The following ZNF638 variants were observed in gnomAD, a reference collection of about 807,000 sequenced individuals.
ZNF638 encodes the protein zinc finger protein 638, also known as CTCL tumor antigen se33-1.
Under a neutral mutation model 195.6 loss-of-function variants are expected in ZNF638, and 46 were observed. That is an observed-to-expected ratio of 0.24 (90% CI 0.19 to 0.30). The LOEUF (loss-of-function observed/expected upper bound fraction) is 0.30, where lower values mean the gene tolerates loss of function less well. ZNF638 is among the 10% of genes least tolerant of loss of function. ZNF638 has a pLI of 1.00. For synonymous variants in ZNF638, 845 were observed against 772.0 expected, an observed-to-expected ratio of 1.09 and a Z score of -1.57; for missense variants, 2,440 against 2,325.3, an observed-to-expected ratio of 1.05 and a Z score of -1.01.
intron 4 of ZNF638, 94 bp from the exon 5 acceptor site, chr2:71,363,857 TAAC>T: frequency 6.4e-6 from 9 of 1,405,368 alleles, no homozygotes; most frequent in Non-Finnish European, 8.5e-6. Flanking sequence ...TTGGTATTGT[TAAC>T]AGTCTGTTTT....
At chr2:71,419,851 ATTGT>A (rs979181358) in intron 21 of ZNF638, among the ~76,000 whole-genome samples, 1 of 151,206 alleles carries the variant, frequency 6.6e-6, no homozygotes, top group Non-Finnish European at 1.5e-5. Context: ...TTCTCCTCTC[ATTGT>A]TTAGACATAG....
rs202241225 is a variant in ZNF638, at chr2:71,392,461, CTGTT to C, written c.2378-3671_2378-3668del. 9.9e-3 allele frequency among the ~76,000 whole-genome samples: 1,514 copies of C among 152,306 alleles called. 12 individuals carry two copies. Among genetic ancestry groups the C allele is most frequent in the Middle Eastern group, 0.027 (8 of 294 alleles). ...CAGCCCATTAACATTGTTAGTGACT[CTGTT>C]TGTTTGTTGCAAAACCTTGAGACCG... On this transcript the variant is annotated intron_variant, in intron 10 of 27. Transcript: ENST00000264447.
rs202045042 is a variant in ZNF638 at position 71,350,205 on chromosome 2, T to C, written c.1251T>C (p.Tyr417=). 6.2e-7 allele frequency: 1 copy of C among 1,609,008 alleles called. No homozygotes were observed. The highest frequency in any genetic ancestry group is 1.3e-5 in the African/African-American group (1 of 75,064). The change falls in exon 2 of 28, where the codon TAT becomes TAC. Residue 417 remains tyrosine (Y), a synonymous_variant. Transcript: ENST00000264447. ...LPTPSMMNDY[Y]AASPRIFPHL... Reference sequence around the variant, plus strand: ...CTCCTTCTATGATGAATGATTATTATGCAGCATCTCCAAGAATATTTCCAC... The same window carrying C: ...CTCCTTCTATGATGAATGATTATTACGCAGCATCTCCAAGAATATTTCCAC...
chr2:71,426,028 C>G (rs950210983), intron 23 of ZNF638, among the ~76,000 whole-genome samples: 2 of 152,072 alleles, frequency 1.3e-5, no homozygotes, highest in Admixed American at 6.5e-5. Flanking sequence ...AATGGAACAG[C>G]CTAATTAGCT....
chr2:71,424,561 G>GT (rs150899421), intron 22 of ZNF638, 89 bp from the exon 23 acceptor site: 94,888 of 1,013,006 alleles, frequency 0.094, 3,822 homozygotes, highest in African/African-American at 0.17. Context: ...AATGTTTACT[G>GT]TTTTTTTTTG....
At chr2:71,340,594 T>C (rs761984913) in intron 1 of ZNF638, among the ~76,000 whole-genome samples, 4 of 152,238 alleles carry the variant, frequency 2.6e-5, no homozygotes, top group Non-Finnish European at 5.9e-5. Context: ...GGTGTATGTC[T>C]AGAAAAATAA....
chr2:71,350,871 T>C (rs548315282), intron 2 of ZNF638, among the ~76,000 whole-genome samples: 91 of 152,328 alleles, frequency 6.0e-4, no homozygotes, highest in African/African-American at 2.1e-3. Context: ...CAGAAAATAG[T>C]GTAAAATGAT....
At chr2:71,365,941 A>T (rs1322229662) in intron 6 of ZNF638, among the ~76,000 whole-genome samples, 1 of 152,196 alleles carries the variant, frequency 6.6e-6, no homozygotes, top group Admixed American at 6.5e-5. Context: ...CTGGTCTCGA[A>T]CTACTAGGTT....
intron 21 of ZNF638, among the ~76,000 whole-genome samples, chr2:71,419,919 A>G (rs1267587510): frequency 1.3e-5 from 2 of 148,974 alleles, no homozygotes; most frequent in Non-Finnish European, 1.5e-5. Flanking sequence ...TCAACCTCAT[A>G]AAACTAATTT....
intron 10 of ZNF638, among the ~76,000 whole-genome samples, chr2:71,391,209 G>A (rs1425103997): frequency 1.3e-5 from 2 of 152,132 alleles, no homozygotes; most frequent in African/African-American, 4.8e-5. Context: ...CAACCTATGG[G>A]GCCCCTTCAA....
At chr2:71,384,165 A>G (rs200396943) in intron 10 of ZNF638, among the ~76,000 whole-genome samples, 2 of 152,014 alleles carry the variant, frequency 1.3e-5, no homozygotes, top group East Asian at 3.9e-4. Flanking sequence ...TCAGCTCTCA[A>G]ATTCTTTATA....
Position 71,426,449 on chromosome 2 carries a change from C to A in ZNF638, c.4591-11C>A. 6.5e-7 allele frequency: 1 copy of A among 1,542,264 alleles called. No individual in the cohort carries two copies. Among genetic ancestry groups the A allele is most frequent in the Non-Finnish European group, 8.7e-7 (1 of 1,149,634 alleles). On this transcript the variant is annotated splice_polypyrimidine_tract_variant and intron_variant, in intron 23 of 27. Coordinates refer to ENST00000264447, the MANE Select transcript of ZNF638 (RefSeq NM_014497.5). ...TTGTTTACAATACTATGATTTTTAACTTTCCAACAGGAGCCATTATTTCCA... is the reference window on the plus strand; with the variant it reads ...TTGTTTACAATACTATGATTTTTAAATTTCCAACAGGAGCCATTATTTCCA...
chr2:71,344,661 C>G (rs187710251), intron 1 of ZNF638, among the ~76,000 whole-genome samples: 6 of 152,164 alleles, frequency 3.9e-5, no homozygotes, highest in Admixed American at 3.3e-4. Context: ...TGGCCTGATA[C>G]TTAATCTTGT....
intron 20 of ZNF638, among the ~76,000 whole-genome samples, chr2:71,410,992 C>CCCCCTT (rs1553484599): frequency 1.2e-4 from 3 of 24,508 alleles, no homozygotes; most frequent in Non-Finnish European, 1.5e-4. Context: ...CTCCCCCCCC[C>CCCCCTT]TTTTTTTTTT....
chr2:71,419,948 ACTT>A (rs1462805958), intron 21 of ZNF638, among the ~76,000 whole-genome samples: 2 of 115,204 alleles, frequency 1.7e-5, no homozygotes, highest in Non-Finnish European at 3.5e-5. Flanking sequence ...AGCACCAAAA[ACTT>A]CTTAATTCCC....
At chr2:71,377,390 T>C (rs1385200361) in intron 8 of ZNF638, among the ~76,000 whole-genome samples, 1 of 152,188 alleles carries the variant, frequency 6.6e-6, no homozygotes, top group Non-Finnish European at 1.5e-5. Flanking sequence ...TTCAGCAAGA[T>C]TCATGGGGAC....
In ZNF638 at chr2:71,338,689, G is replaced by A. The variant is rs376550774; in HGVS notation, c.-203+6814G>A. Among the ~76,000 whole-genome samples, 31 of 152,218 alleles carry A rather than the reference G, an allele frequency of 2.0e-4. 1 individual carries two copies. Among genetic ancestry groups the A allele is most frequent in the African/African-American group, 7.5e-4 (31 of 41,542 alleles). Reference sequence around the variant, plus strand: ...TTTCCTGGGGGGCTGTAACACTCGGGGTGTGGCCTCCTGTGAGGTACATAA... The same window carrying A: ...TTTCCTGGGGGGCTGTAACACTCGGAGTGTGGCCTCCTGTGAGGTACATAA... On this transcript the variant is annotated intron_variant, in intron 1 of 27. Coordinates refer to ENST00000264447, the MANE Select transcript of ZNF638 (RefSeq NM_014497.5).
At chr2:71,346,140 T>C (rs989782435) in intron 1 of ZNF638, among the ~76,000 whole-genome samples, 2 of 152,198 alleles carry the variant, frequency 1.3e-5, no homozygotes, top group Non-Finnish European at 2.9e-5. Flanking sequence ...TCTTTTGCTG[T>C]TTTATTTTGG....
At chr2:71,339,239 C>T (rs535496100) in intron 1 of ZNF638, among the ~76,000 whole-genome samples, 46 of 151,920 alleles carry the variant, frequency 3.0e-4, no homozygotes, top group African/African-American at 1.1e-3. Context: ...GCAGCCTCCA[C>T]CTCCCAGGTG....
Sources: gnomAD v4.1 joint callset for allele counts (sites outside exome capture counted in the v4.1 genomes callset) on GRCh38, gnomAD v4.1.1 for gene constraint, MANE v1.5 for transcripts, NCBI Gene and HGNC (gene_info 2026-07-23, HGNC 2026-07-21) for gene names.